FNIP2: variants seen among roughly 807,000 people sequenced by gnomAD.
FNIP2 encodes folliculin interacting protein 2.
FNIP2 carries 32 observed loss-of-function variants against 108.7 expected under a neutral mutation model. The ratio of observed to expected loss-of-function variants is 0.29; its 90% CI spans 0.22 to 0.40. The LOEUF is 0.40. Ranked by LOEUF, FNIP2 falls within the 10% of genes least tolerant of loss-of-function variation. The pLI, the probability that FNIP2 is intolerant of heterozygous loss-of-function variation, is 1.00. For missense variants in FNIP2, 1,202 were observed against 1,381.6 expected (o/e 0.87, Z 2.06); for synonymous variants, 480 against 496.7 (o/e 0.97, Z 0.45).
At chr4:158,835,565 C>T (rs1778753022) in intron 7 of FNIP2, 89 bp downstream of exon 7, 1 of 1,158,722 alleles carries the variant, frequency 8.6e-7, no homozygotes, top group Non-Finnish European at 1.3e-6. Flanking sequence ...AGGTAGATAA[C>T]CCTCATCCTG....
At chr4:158,853,023 A>G (rs908151737) in intron 8 of FNIP2, among the ~76,000 whole-genome samples, 2 of 152,202 alleles carry the variant, frequency 1.3e-5, no homozygotes, top group East Asian at 1.9e-4. Flanking sequence ...AAAGAAAAAA[A>G]GTTTTTCTTT....
chr4:158,898,968 T>C (rs1782949290), intron 16 of FNIP2, among the ~76,000 whole-genome samples: 1 of 152,216 alleles, frequency 6.6e-6, no homozygotes, highest in African/African-American at 2.4e-5. Flanking sequence ...AGTATGATAT[T>C]GGCTGTGGGT....
chr4:158,904,514 T>A lies in FNIP2; in HGVS notation c.3315T>A (p.His1105Gln), dbSNP rs1469671398. The A allele has an allele frequency of 9.3e-6, 15 of 1,613,202 alleles. No individual in the cohort carries two copies. In the East Asian group the frequency reaches 3.1e-4, roughly 34 times the overall value. Residue 1105 changes from histidine to glutamine, a missense_variant, in exon 17 of 17, where the codon CAT becomes CAA. His to Gln is a conservative substitution (Grantham distance 24). Coordinates refer to ENST00000264433, the MANE Select transcript of FNIP2 (RefSeq NM_020840.3). Reference sequence around the variant, plus strand: ...TGTTGACTGCTATTGCCAGTACTCATTCTCCTTATGTGGCTCAAATACTCT... The same window carrying A: ...TGTTGACTGCTATTGCCAGTACTCAATCTCCTTATGTGGCTCAAATACTCT... ...LPLLTAIAST[H>Q]SPYVAQILL
At chr4:158,896,431 A>G (rs1048742551) in intron 16 of FNIP2, among the ~76,000 whole-genome samples, 5 of 152,196 alleles carry the variant, frequency 3.3e-5, no homozygotes, top group Admixed American at 3.3e-4. Context: ...CTCTAGGGGA[A>G]GTAATTCTTA....
chr4:158,871,563 C>G, intron 14 of FNIP2: 1 of 985,312 alleles, frequency 1.0e-6, no homozygotes, highest in Non-Finnish European at 1.2e-6. Flanking sequence ...GTCAACATAA[C>G]CTCCCTCAAT....
intron 16 of FNIP2, among the ~76,000 whole-genome samples, chr4:158,899,879 C>T (rs1001330137): frequency 6.6e-6 from 1 of 152,032 alleles, no homozygotes; most frequent in Non-Finnish European, 1.5e-5. Flanking sequence ...TATTTCTTGT[C>T]TTCTGCTAGC....
rs1729795727 is a variant in FNIP2, at chr4:158,905,873, A to T, written c.*1329A>T. 1 of 152,202 alleles carries T rather than the reference A, an allele frequency of 6.6e-6. No homozygotes were observed. The highest frequency in any genetic ancestry group is 1.5e-5 in the Non-Finnish European group (1 of 68,032). 9.4% of individuals were successfully genotyped at this position (152,202 alleles called of 1,614,324 possible). On this transcript the variant is annotated 3_prime_UTR_variant, in exon 17 of 17. Transcript: ENST00000264433. ...ACATCTTTAGCACTTTGCAGATCTCAAGCAGTTAACCAGGCTCTGATTCCC... is the reference window on the plus strand; with the variant it reads ...ACATCTTTAGCACTTTGCAGATCTCTAGCAGTTAACCAGGCTCTGATTCCC...
intron 1 of FNIP2, among the ~76,000 whole-genome samples, chr4:158,797,834 C>T (rs974880491): frequency 6.6e-6 from 1 of 152,126 alleles, no homozygotes; most frequent in Non-Finnish European, 1.5e-5. Context: ...CCACAGGCTC[C>T]AGAGAAAACT....
intron 1 of FNIP2, among the ~76,000 whole-genome samples, chr4:158,818,627 A>G (rs747230181): frequency 6.6e-6 from 1 of 152,210 alleles, no homozygotes; most frequent in Non-Finnish European, 1.5e-5. Flanking sequence ...AGGAAGTATT[A>G]TGTAATATGT....
chr4:158,811,541 T>C (rs11725625), intron 1 of FNIP2, among the ~76,000 whole-genome samples: 56,537 of 151,566 alleles, frequency 0.37, 10,841 homozygotes, highest in Middle Eastern at 0.43. Flanking sequence ...TTTTTGTTTT[T>C]TAAATAATAT....
chr4:158,855,683 T>C (rs1779944889), intron 8 of FNIP2, among the ~76,000 whole-genome samples: 1 of 152,174 alleles, frequency 6.6e-6, no homozygotes. Context: ...CTTGACCTCG[T>C]GATCCTCCCA....
chr4:158,873,325 ATC>A (rs1435228818), intron 14 of FNIP2, among the ~76,000 whole-genome samples: 3 of 152,156 alleles, frequency 2.0e-5, no homozygotes, highest in Non-Finnish European at 4.4e-5. Flanking sequence ...GGATTTAATA[ATC>A]TGTCTTATGT....
chr4:158,894,170 CTTTT>C (rs5863337), intron 15 of FNIP2, among the ~76,000 whole-genome samples: 18 of 127,460 alleles, frequency 1.4e-4, no homozygotes, highest in South Asian at 1.0e-3. Context: ...AAAATGTTTT[CTTTT>C]TTTTTTTTTT....
intron 3 of FNIP2, among the ~76,000 whole-genome samples, chr4:158,830,985 T>C (rs1778452179): frequency 6.6e-6 from 1 of 152,176 alleles, no homozygotes; most frequent in South Asian, 2.1e-4. Flanking sequence ...AGGTATTCTA[T>C]GTAAATAATA....
At chr4:158,882,634 C>T (rs1356486233) in intron 14 of FNIP2, among the ~76,000 whole-genome samples, 1 of 152,208 alleles carries the variant, frequency 6.6e-6, no homozygotes, top group Non-Finnish European at 1.5e-5. Context: ...ATAGGAGACT[C>T]CATTTTGTTC....
In FNIP2 at chr4:158,806,343, T is replaced by G. The variant is rs577809549; in HGVS notation, c.108-19573T>G. 831 of 1,289,358 alleles carry G rather than the reference T, an allele frequency of 6.4e-4. 5 individuals carry two copies. The South Asian group carries it at 9.8e-3, about 15-fold the overall frequency. The allele number at this position is 1,289,358 out of a possible 1,614,324, so 79.9% of individuals were successfully genotyped here. A position where few individuals can be genotyped will look rare whatever the true frequency, so the allele number is the denominator to read the frequency against. Reference sequence around the variant, plus strand: ...ATGCTGTTCCTGGTGCTGGGAGGATTTACAGGGCGCTTTTATGCACAAAGA... The same window carrying G: ...ATGCTGTTCCTGGTGCTGGGAGGATGTACAGGGCGCTTTTATGCACAAAGA... On this transcript the variant is annotated intron_variant, in intron 1 of 16. Coordinates refer to ENST00000264433, the MANE Select transcript of FNIP2 (RefSeq NM_020840.3).
chr4:158,886,563 C>T (rs1782036338), intron 14 of FNIP2, among the ~76,000 whole-genome samples: 1 of 152,208 alleles, frequency 6.6e-6, no homozygotes, highest in Non-Finnish European at 1.5e-5. Context: ...GGCGATAGGG[C>T]AGTGCTTTTC....
chr4:158,889,792 GT>G (rs1257362543), intron 14 of FNIP2: 2 of 972,010 alleles, frequency 2.1e-6, no homozygotes, highest in Non-Finnish European at 2.4e-6. Context: ...AATATTTGAA[GT>G]GTTCAAATTT....
At chr4:158,771,083 A>G (rs965092183) in intron 1 of FNIP2, among the ~76,000 whole-genome samples, 1 of 152,250 alleles carries the variant, frequency 6.6e-6, no homozygotes, top group Non-Finnish European at 1.5e-5. Flanking sequence ...TCATTTGTGT[A>G]TAATGAAGAA....
Sources: allele counts gnomAD v4.1 joint callset (sites outside exome capture counted in the v4.1 genomes callset), GRCh38; gene constraint gnomAD v4.1.1; transcripts MANE v1.5; gene names NCBI Gene and HGNC (gene_info 2026-07-23, HGNC 2026-07-21).